CLCN3: variants seen among roughly 807,000 people sequenced by gnomAD.
The protein encoded by CLCN3 is Cl-/H+ antiporter 3, also known as H(+)/Cl(-) exchange transporter 3.
In CLCN3, 16 loss-of-function variants were observed where a neutral mutation model predicts 83.4. The ratio of observed to expected loss-of-function variants is 0.19; its 90% CI spans 0.13 to 0.29. The LOEUF (loss-of-function observed/expected upper bound fraction) is 0.29. Among genes scored for constraint, CLCN3 ranks in the 10% least tolerant of loss-of-function variants. CLCN3 has a pLI of 1.00. For synonymous variants in CLCN3, 322 were observed against 346.2 expected, an observed-to-expected ratio of 0.93 and a Z score of 0.78; for missense variants, 544 against 1,006.0, an observed-to-expected ratio of 0.54 and a Z score of 6.21.
chr4:169,663,778 G>T (rs1223985829), intron 2 of CLCN3, among the ~76,000 whole-genome samples: 1 of 152,170 alleles, frequency 6.6e-6, no homozygotes, highest in Non-Finnish European at 1.5e-5. Flanking sequence ...ATTCCATCCA[G>T]ATATTTGGCT....
At chr4:169,717,083 C>G (rs1733449294) in intron 12 of CLCN3, among the ~76,000 whole-genome samples, 1 of 152,030 alleles carries the variant, frequency 6.6e-6, no homozygotes, top group Admixed American at 6.6e-5. Flanking sequence ...TTATGTCCAT[C>G]ACTTTGCTTG....
intron 2 of CLCN3, among the ~76,000 whole-genome samples, chr4:169,673,603 T>C (rs564861292): frequency 3.3e-5 from 5 of 152,118 alleles, no homozygotes; most frequent in African/African-American, 9.6e-5. Flanking sequence ...AGACCAGTAG[T>C]CCATATTTCT....
Position 169,720,158 on chromosome 4 carries a change from C to G in CLCN3, c.*161C>G. On this transcript the variant is annotated 3_prime_UTR_variant, in exon 13 of 13. Coordinates refer to ENST00000513761, the MANE Select transcript of CLCN3 (RefSeq NM_001829.4). ...TTTGCAACATGGTTTGCAAATAATG[C>G]TGGTGGAATGGAGGAGTTGTTTGGG... 1 of 1,029,414 alleles carries G rather than the reference C, an allele frequency of 9.7e-7. No individual in the cohort carries two copies. The highest frequency in any genetic ancestry group is 1.4e-6 in the Non-Finnish European group (1 of 698,526). The allele number at this position is 1,029,414 out of a possible 1,614,324, so 63.8% of individuals were successfully genotyped here. A position where few individuals can be genotyped will look rare whatever the true frequency, so the allele number is the denominator to read the frequency against.
At chr4:169,658,372 C>A (rs916179144) in intron 2 of CLCN3, among the ~76,000 whole-genome samples, 2 of 151,948 alleles carry the variant, frequency 1.3e-5, no homozygotes, top group African/African-American at 4.8e-5. Flanking sequence ...TGCTGACTGT[C>A]ATTTTCATTC....
rs1733605544 is a variant in CLCN3 at position 169,720,678 on chromosome 4, C to T, written c.*681C>T. On this transcript the variant is annotated 3_prime_UTR_variant, in exon 13 of 13. Transcript: ENST00000513761. ...TCACAAGAAGGGAGTGTTTCTTGTG[C>T]CATTAACCATGTAGTTTGTACCATC... is the stretch of plus-strand genomic sequence containing the variant. 1 of 152,498 alleles carries T rather than the reference C, an allele frequency of 6.6e-6. No homozygotes were observed. Among genetic ancestry groups the T allele is most frequent in the African/African-American group, 2.4e-5 (1 of 41,360 alleles). The allele number at this position is 152,498 out of a possible 1,614,324, so 9.4% of individuals were successfully genotyped here.
intron 2 of CLCN3, among the ~76,000 whole-genome samples, chr4:169,658,523 G>GC (rs1185337287): frequency 3.3e-5 from 5 of 151,994 alleles, no homozygotes; most frequent in African/African-American, 1.2e-4. Context: ...CTTTATAAAT[G>GC]CCATACAATT....
chr4:169,695,924 A>G (rs13106440), intron 8 of CLCN3, among the ~76,000 whole-genome samples: 4,589 of 152,318 alleles, frequency 0.03, 134 homozygotes, highest in African/African-American at 0.079. Flanking sequence ...ATTATTTAAA[A>G]TCTAACTTTG....
At chr4:169,681,318 ATCT>A (rs1274828197) in intron 3 of CLCN3, among the ~76,000 whole-genome samples, 2 of 152,212 alleles carry the variant, frequency 1.3e-5, no homozygotes, top group African/African-American at 2.4e-5. Context: ...AAAGTAGAAA[ATCT>A]TCTTGAAAAA....
intron 1 of CLCN3, among the ~76,000 whole-genome samples, chr4:169,629,932 A>G (rs1205152251): frequency 6.6e-6 from 1 of 152,182 alleles, no homozygotes; most frequent in Non-Finnish European, 1.5e-5. Context: ...TTTGTGCCTC[A>G]GTTCCTCATT....
At chr4:169,677,843 T>G (rs1731740055) in intron 2 of CLCN3, among the ~76,000 whole-genome samples, 1 of 152,152 alleles carries the variant, frequency 6.6e-6, no homozygotes, top group Non-Finnish European at 1.5e-5. Flanking sequence ...TTCCATTTCT[T>G]TTTATGTGTT....
intron 2 of CLCN3, among the ~76,000 whole-genome samples, chr4:169,640,207 A>G (rs148544524): frequency 2.0e-5 from 3 of 152,258 alleles, no homozygotes; most frequent in East Asian, 1.9e-4. Flanking sequence ...TGTACCCCCA[A>G]CGTAAGCAGT....
intron 10 of CLCN3, 85 bp downstream of exon 10, chr4:169,704,269 G>T (rs1732906299): frequency 1.5e-6 from 2 of 1,321,722 alleles, no homozygotes; most frequent in Non-Finnish European, 2.1e-6. Flanking sequence ...TGCTTAATTG[G>T]TGGGCGGATT....
intron 9 of CLCN3, among the ~76,000 whole-genome samples, chr4:169,702,497 A>T (rs1037879001): frequency 1.3e-5 from 2 of 152,156 alleles, no homozygotes; most frequent in African/African-American, 4.8e-5. Context: ...AATAGTTAGT[A>T]AACCATGCTG....
chr4:169,630,800 A>T (rs541727621), intron 1 of CLCN3, among the ~76,000 whole-genome samples: 1 of 152,202 alleles, frequency 6.6e-6, no homozygotes, highest in East Asian at 1.9e-4. Context: ...AAGTGCTGGG[A>T]TTACAGGCGT....
chr4:169,667,864 G>C (rs760340817), intron 2 of CLCN3, among the ~76,000 whole-genome samples: 1 of 150,996 alleles, frequency 6.6e-6, no homozygotes, highest in Non-Finnish European at 1.5e-5. Flanking sequence ...TGCTGCCTCA[G>C]CTTCCCGAGT....
At chr4:169,692,727 G>GT (rs1239760233) in intron 7 of CLCN3, among the ~76,000 whole-genome samples, 1 of 152,184 alleles carries the variant, frequency 6.6e-6, no homozygotes, top group African/African-American at 2.4e-5. Flanking sequence ...TGGTGCCAGT[G>GT]TAAGTGGTGT....
At position 169,695,650 on chromosome 4, in the gene CLCN3, T is replaced by G; in HGVS notation, c.975T>G (p.Ala325=). The G allele has an allele frequency of 6.2e-7, 1 of 1,613,614 alleles. No homozygotes were observed. The highest frequency in any genetic ancestry group is 8.5e-7 in the Non-Finnish European group (1 of 1,179,688). ...CCTCAGCTGCAGGGGTTTCTGTAGC[T>G]TTTGGTGCACCAATTGGAGGAGTTC... ...SAASAAGVSV[A]FGAPIGGVLF... Residue 325 remains alanine (A), a synonymous_variant, in exon 8 of 13, where the codon GCT becomes GCG. Coordinates refer to ENST00000513761, the MANE Select transcript of CLCN3 (RefSeq NM_001829.4).
At position 169,660,441 on chromosome 4, in the gene CLCN3, T is replaced by C. The variant is rs77021636; in HGVS notation, c.161-19609T>C. ...ACAGTATTCCCCTGAGGGAATTACATAAAAGAGGTAATACTATCCCCTTGC... is the reference window on the plus strand; with the variant it reads ...ACAGTATTCCCCTGAGGGAATTACACAAAAGAGGTAATACTATCCCCTTGC... On this transcript the variant is annotated intron_variant, in intron 2 of 12. Transcript: ENST00000513761. 1.2e-3 allele frequency: 1,614 copies of C among 1,368,676 alleles called. 17 individuals carry two copies. The African/African-American group carries it at 0.022, about 18-fold the overall frequency. 84.8% of individuals were successfully genotyped at this position (1,368,676 alleles called of 1,614,324 possible).
Position 169,713,206 on chromosome 4 carries a change from T to C in CLCN3, c.2277T>C (p.Pro759=). The change falls in exon 12 of 13, where the codon CCT becomes CCC. Residue 759 remains proline (P), a synonymous_variant. Coordinates refer to ENST00000513761, the MANE Select transcript of CLCN3 (RefSeq NM_001829.4). Reference sequence around the variant, plus strand: ...TTCGAAGCATTCTTGACATGAGCCCTTTTACAGTGACAGACCACACCCCAA... The same window carrying C: ...TTCGAAGCATTCTTGACATGAGCCCCTTTACAGTGACAGACCACACCCCAA... The part of the protein sequence containing the change: ...LKLRSILDMS[P]FTVTDHTPME... The C allele has an allele frequency of 6.2e-7, 1 of 1,613,990 alleles. No individual in the cohort carries two copies. The highest frequency in any genetic ancestry group is 8.5e-7 in the Non-Finnish European group (1 of 1,179,862).
Sources: allele counts gnomAD v4.1 joint callset (sites outside exome capture counted in the v4.1 genomes callset), GRCh38; gene constraint gnomAD v4.1.1; transcripts MANE v1.5; gene names NCBI Gene and HGNC (gene_info 2026-07-23, HGNC 2026-07-21).